The following EFEMP1 variants were observed in gnomAD, a reference collection of about 807,000 sequenced individuals.
EFEMP1 encodes the protein EGF-like fibulin extracellular matrix protein 1.
EFEMP1 carries 18 observed loss-of-function variants against 65.7 expected under a neutral mutation model. The ratio of observed to expected loss-of-function variants is 0.27; its 90% CI spans 0.19 to 0.41. The LOEUF (loss-of-function observed/expected upper bound fraction) is 0.41, where lower values mean the gene tolerates loss of function less well. Ranked by LOEUF, EFEMP1 falls within the 10% of genes least tolerant of loss-of-function variation. The pLI is 1.00. For missense variants in EFEMP1, 469 were observed against 624.8 expected (o/e 0.75, Z 2.66); for synonymous variants, 237 against 219.7 (o/e 1.08, Z -0.70).
At chr2:55,888,334 C>CTTTTTTTTTTTT (rs71713705) in intron 5 of EFEMP1, among the ~76,000 whole-genome samples, 2 of 114,308 alleles carry the variant, frequency 1.7e-5, no homozygotes, top group Non-Finnish European at 3.5e-5. Context: ...CCTTCTTAAA[C>CTTTTTTTTTTTT]TTTTTTTTTT....
intron 5 of EFEMP1, among the ~76,000 whole-genome samples, chr2:55,907,268 T>C (rs926169656): frequency 6.6e-6 from 1 of 152,228 alleles, no homozygotes; most frequent in African/African-American, 2.4e-5. Flanking sequence ...TGCATGTGTA[T>C]AGGCATGTAC....
In EFEMP1 at chr2:55,870,157, G is replaced by A. The variant is rs763810810; in HGVS notation, c.1320+563C>T. ...GTACAACTACTGACACATACTGTGC[G>A]GGGAGGTGGGGTCACTTCTCACATA... On this transcript the variant is annotated intron_variant, in intron 11 of 11. Coordinates refer to ENST00000355426, the MANE Select transcript of EFEMP1 (RefSeq NM_001039348.3). The surrounding 1 kb of genome is among the most constrained non-coding windows in gnomAD (Gnocchi z 5.8). 3.3e-5 allele frequency among the ~76,000 whole-genome samples: 5 copies of A among 152,078 alleles called. No homozygotes were observed. Among genetic ancestry groups the A allele is most frequent in the Non-Finnish European group, 7.4e-5 (5 of 68,020 alleles).
Position 55,919,488 on chromosome 2 carries a change from GA to G in EFEMP1, c.82-1222del, listed in dbSNP as rs1490904327. ...CTTCTTGAGAAATGTTGCTACAGGC[GA>G]TAAGAGGCCTCTGAAGAATTTTTAA... On this transcript the variant is annotated intron_variant, in intron 3 of 11. Transcript: ENST00000355426. This position sits in a 1 kb window ranked among gnomAD's most constrained non-coding sequence, Gnocchi z 4.5. 6.6e-6 allele frequency among the ~76,000 whole-genome samples: 1 copy of G among 152,180 alleles called. No homozygotes were observed. Among genetic ancestry groups the G allele is most frequent in the Non-Finnish European group, 1.5e-5 (1 of 68,036 alleles).
At chr2:55,895,461 C>G (rs1669787838) in intron 5 of EFEMP1, among the ~76,000 whole-genome samples, 1 of 152,156 alleles carries the variant, frequency 6.6e-6, no homozygotes, top group Admixed American at 6.5e-5. Context: ...AAAGACTCCC[C>G]TTGGGGGTCC....
intron 5 of EFEMP1, among the ~76,000 whole-genome samples, chr2:55,889,232 G>T (rs1214273101): frequency 6.6e-6 from 1 of 152,164 alleles, no homozygotes. Context: ...CCTCCTAATT[G>T]TATGAAACCA....
intron 11 of EFEMP1, among the ~76,000 whole-genome samples, chr2:55,868,796 C>T (rs551039129): frequency 1.3e-5 from 2 of 152,198 alleles, no homozygotes; most frequent in Non-Finnish European, 2.9e-5. Context: ...TTCCTCATGA[C>T]ACCTAGCATA....
Position 55,870,163 on chromosome 2 carries a change from G to A in EFEMP1, c.1320+557C>T, listed in dbSNP as rs1481981085. On this transcript the variant is annotated intron_variant, in intron 11 of 11. Transcript: ENST00000355426. The surrounding 1 kb of genome is among the most constrained non-coding windows in gnomAD (Gnocchi z 5.8). The stretch of plus-strand genomic sequence containing the variant: ...CTACTGACACATACTGTGCGGGGAG[G>A]TGGGGTCACTTCTCACATACTTATA... Among the ~76,000 whole-genome samples, 1 of 152,084 alleles carries A rather than the reference G, an allele frequency of 6.6e-6. No homozygotes were observed. The highest frequency in any genetic ancestry group is 1.5e-5 in the Non-Finnish European group (1 of 68,020).
rs772140491 is a variant in EFEMP1, at chr2:55,917,889, G to A, written c.293C>T (p.Thr98Ile). 1 of 1,614,242 alleles carries A rather than the reference G, an allele frequency of 6.2e-7. No homozygotes were observed. The highest frequency in any genetic ancestry group is 1.1e-5 in the South Asian group (1 of 91,090). Residue 98 changes from threonine (T) to isoleucine (I), a missense_variant, in exon 5 of 12, where the codon ACC becomes ATC. By Grantham distance (89) the Thr-to-Ile change is moderately conservative. Around this residue, in one of 3 missense-constraint regions of EFEMP1, gnomAD observed 399 missense variants for 528.2 expected, o/e 0.76. Coordinates refer to ENST00000355426, the MANE Select transcript of EFEMP1 (RefSeq NM_001039348.3). This position sits in a 1 kb window ranked among gnomAD's most constrained non-coding sequence, Gnocchi z 6.3. ...TQPAEGTSGA[T>I]TGVVAASSMA... The stretch of plus-strand genomic sequence containing the variant: ...GCTGCTGGCAGCTACAACCCCGGTG[G>A]TTGCCCCTGAGGTTCCTTCTGCTGG...
chr2:55,901,222 T>A (rs1046784778), intron 5 of EFEMP1, among the ~76,000 whole-genome samples: 1 of 152,196 alleles, frequency 6.6e-6, no homozygotes, highest in Non-Finnish European at 1.5e-5. Flanking sequence ...GGACAAAAGG[T>A]AACATAAAGC....
chr2:55,899,817 GA>G (rs754817327), intron 5 of EFEMP1, among the ~76,000 whole-genome samples: 13 of 152,200 alleles, frequency 8.5e-5, no homozygotes, highest in Non-Finnish European at 1.5e-4. Flanking sequence ...TCACCTCTCT[GA>G]AGGATTAAAT....
In EFEMP1 at chr2:55,885,670, G is replaced by C. The variant is rs566326074; in HGVS notation, c.518-3936C>G. On this transcript the variant is annotated intron_variant, in intron 5 of 11. Coordinates refer to ENST00000355426, the MANE Select transcript of EFEMP1 (RefSeq NM_001039348.3). This position sits in a 1 kb window ranked among gnomAD's most constrained non-coding sequence, Gnocchi z 4.3. ...TCCCTCTCTTGCTGACTTTGGCACC[G>C]TTAGTTGCTTTAAATAACACAGGCT... Among the ~76,000 whole-genome samples, 1 of 152,094 alleles carries C rather than the reference G, an allele frequency of 6.6e-6. No homozygotes were observed. Among genetic ancestry groups the C allele is most frequent in the Non-Finnish European group, 1.5e-5 (1 of 68,020 alleles).
intron 5 of EFEMP1, among the ~76,000 whole-genome samples, chr2:55,916,683 A>T (rs1301619911): frequency 1.3e-5 from 2 of 152,194 alleles, no homozygotes; most frequent in African/African-American, 2.4e-5. Context: ...GGAGTTCTGC[A>T]CTATGGGATC....
intron 5 of EFEMP1, among the ~76,000 whole-genome samples, chr2:55,895,674 T>C (rs919378884): frequency 3.3e-5 from 5 of 151,842 alleles, no homozygotes; most frequent in Admixed American, 2.6e-4. Flanking sequence ...CCGGAGTAGC[T>C]GGGACTACAG....
chr2:55,916,093 G>A (rs1320155871), intron 5 of EFEMP1, among the ~76,000 whole-genome samples: 2 of 150,454 alleles, frequency 1.3e-5, no homozygotes, highest in South Asian at 2.1e-4. Flanking sequence ...GTCAGAGCAT[G>A]ACAAGTTTCC....
rs1406341601 is a variant in EFEMP1, at chr2:55,922,518, A to G, written c.-7-71T>C. 3 of 1,385,082 alleles carry G rather than the reference A, an allele frequency of 2.2e-6. No homozygotes were observed. In the African/African-American group the frequency reaches 4.3e-5, roughly 20 times the overall value. 85.8% of individuals were successfully genotyped at this position (1,385,082 alleles called of 1,614,324 possible). ...GGAAAGTAACAAAACTTTAGCAGTG[A>G]GCACAAGCGAGGAAAGGAGGGTGGG... On this transcript the variant is annotated intron_variant, in intron 2 of 11. Transcript: ENST00000355426. The surrounding 1 kb of genome is among the most constrained non-coding windows in gnomAD (Gnocchi z 5.5).
At chr2:55,888,334 C>CTTTTT (rs71713705) in intron 5 of EFEMP1, among the ~76,000 whole-genome samples, 14 of 114,308 alleles carry the variant, frequency 1.2e-4, no homozygotes, top group African/African-American at 1.8e-4. Context: ...CCTTCTTAAA[C>CTTTTT]TTTTTTTTTT....
chr2:55,867,626 C>T lies in EFEMP1; in HGVS notation c.1321-392G>A, dbSNP rs1668632485. 6.6e-6 allele frequency among the ~76,000 whole-genome samples: 1 copy of T among 151,978 alleles called. No homozygotes were observed. The highest frequency in any genetic ancestry group is 1.5e-5 in the Non-Finnish European group (1 of 68,002). ...TTTCTCAACATTGTGCATCTGTTTA[C>T]ATTCTAGTAAGTAAAGAGAAATGGA... On this transcript the variant is annotated intron_variant, in intron 11 of 11. Transcript: ENST00000355426. This position sits in a 1 kb window ranked among gnomAD's most constrained non-coding sequence, Gnocchi z 4.3.
rs1572802346 is a variant in EFEMP1, at chr2:55,883,329, T to C, written c.518-1595A>G. ...TACAAACTGTCCTTTTTAGGTACTA[T>C]GCGATGGTGCAACAATCCTGCTTTG... is the stretch of plus-strand genomic sequence containing the variant. On this transcript the variant is annotated intron_variant, in intron 5 of 11. Transcript: ENST00000355426. This position sits in a 1 kb window ranked among gnomAD's most constrained non-coding sequence, Gnocchi z 4.5. Among the ~76,000 whole-genome samples the C allele has an allele frequency of 6.6e-6, 1 of 152,220 alleles. No homozygotes were observed. The highest frequency in any genetic ancestry group is 2.4e-5 in the African/African-American group (1 of 41,454).
In EFEMP1 at chr2:55,871,668, T is replaced by C. The variant is rs1343012162; in HGVS notation, c.1001-545A>G. Reference sequence around the variant, plus strand: ...AGGGAAGGCTTTCCAAGCTGAGAAATCAGGAAGCATAAACTATGGAGGGCA... The same window carrying C: ...AGGGAAGGCTTTCCAAGCTGAGAAACCAGGAAGCATAAACTATGGAGGGCA... On this transcript the variant is annotated intron_variant, in intron 9 of 11. Transcript: ENST00000355426. This position sits in a 1 kb window ranked among gnomAD's most constrained non-coding sequence, Gnocchi z 4.2. Among the ~76,000 whole-genome samples the C allele has an allele frequency of 6.6e-6, 1 of 151,868 alleles. No homozygotes were observed. Among genetic ancestry groups the C allele is most frequent in the Non-Finnish European group, 1.5e-5 (1 of 67,962 alleles).
Sources: allele counts gnomAD v4.1 joint callset (sites outside exome capture counted in the v4.1 genomes callset), GRCh38; gene constraint gnomAD v4.1.1; regional missense constraint gnomAD v4.1.1; non-coding constraint Gnocchi (gnomAD v3.1); transcripts MANE v1.5; gene names NCBI Gene and HGNC (gene_info 2026-07-23, HGNC 2026-07-21).